FYCO1: variants seen among roughly 807,000 people sequenced by gnomAD.
FYCO1 encodes the protein FYVE and coiled-coil domain autophagy adaptor 1.
A neutral mutation model predicts 165.1 loss-of-function variants in FYCO1; 122 were observed. The ratio of observed to expected loss-of-function variants is 0.74; its 90% CI spans 0.64 to 0.86. The LOEUF (loss-of-function observed/expected upper bound fraction) is 0.86, where lower values mean the gene tolerates loss of function less well. Ranked by LOEUF, FYCO1 falls within the 40% of genes least tolerant of loss-of-function variation. The pLI is 0.00. For synonymous variants in FYCO1, 648 were observed against 742.5 expected, an observed-to-expected ratio of 0.87 and a Z score of 2.07; for missense variants, 1,702 against 1,810.3, an observed-to-expected ratio of 0.94 and a Z score of 1.09.
intron 6 of FYCO1, among the ~76,000 whole-genome samples, chr3:45,972,628 TG>T (rs1706504227): frequency 2.0e-5 from 3 of 152,192 alleles, no homozygotes; most frequent in Non-Finnish European, 4.4e-5. Context: ...GTGTAAGATA[TG>T]GCTGGCTTGA....
At chr3:45,979,387 C>T (rs1417884524) in intron 4 of FYCO1, among the ~76,000 whole-genome samples, 1 of 152,146 alleles carries the variant, frequency 6.6e-6, no homozygotes, top group Non-Finnish European at 1.5e-5. Flanking sequence ...TGGAGTCATC[C>T]TATGCTTTAC....
chr3:45,987,192 A>G (rs1322032028), intron 1 of FYCO1, among the ~76,000 whole-genome samples: 1 of 152,216 alleles, frequency 6.6e-6, no homozygotes, highest in East Asian at 1.9e-4. Context: ...AATCATTAGG[A>G]GAGAAATCAC....
Position 45,995,764 on chromosome 3 carries a change from G to A in FYCO1, c.-155C>T, listed in dbSNP as rs1374799487. On this transcript the variant is annotated 5_prime_UTR_variant, in exon 1 of 18. Transcript: ENST00000296137. ...GCCGGGCAGAACCGAAACTTTCTGG[G>A]GCCAAGCGGAAGAGGACGGGAACGC... is the stretch of plus-strand genomic sequence containing the variant. 3.9e-5 allele frequency: 6 copies of A among 152,734 alleles called. No homozygotes were observed. The highest frequency in any genetic ancestry group is 4.4e-5 in the Non-Finnish European group (3 of 68,122). 9.5% of individuals were successfully genotyped at this position (152,734 alleles called of 1,614,324 possible). A position where few individuals can be genotyped will look rare whatever the true frequency, so the allele number is the denominator to read the frequency against.
chr3:45,988,526 G>C (rs1225150328), intron 1 of FYCO1, among the ~76,000 whole-genome samples: 4 of 152,150 alleles, frequency 2.6e-5, no homozygotes. Flanking sequence ...ACCAGCGTAA[G>C]GACTCCAGGA....
chr3:45,926,010 GA>G (rs1323249374), intron 16 of FYCO1, among the ~76,000 whole-genome samples: 1 of 152,174 alleles, frequency 6.6e-6, no homozygotes, highest in African/African-American at 2.4e-5. Context: ...CAGTTTTCAA[GA>G]CACTGGTTAT....
At chr3:45,961,193 G>A (rs551635394) in intron 11 of FYCO1, among the ~76,000 whole-genome samples, 3 of 152,268 alleles carry the variant, frequency 2.0e-5, no homozygotes, top group East Asian at 3.9e-4. Context: ...TAAGGCAATC[G>A]GAAAAATTTG....
At chr3:45,979,620 G>A in intron 4 of FYCO1, 85 bp downstream of exon 4, 2 of 1,514,198 alleles carry the variant, frequency 1.3e-6, no homozygotes, top group South Asian at 2.3e-5. Context: ...TCCTTATTTA[G>A]CTGTCTGCAG....
intron 16 of FYCO1, among the ~76,000 whole-genome samples, chr3:45,925,385 T>C (rs1052234262): frequency 6.6e-6 from 1 of 152,174 alleles, no homozygotes; most frequent in Non-Finnish European, 1.5e-5. Flanking sequence ...CAACTTTGAG[T>C]TCCTAATGAG....
chr3:45,968,528 T>A lies in FYCO1; in HGVS notation c.806A>T (p.Gln269Leu). ...ENQELRAAVS[Q>L]QGEQLQTERE... is the part of the protein sequence containing the mutation. ...CTCTGTCTGCAGTTGCTCCCCTTGC[T>A]GGCTGACAGCTGCCCTCAGCTCCTG... Residue 269 changes from glutamine (Q) to leucine (L), a missense_variant, in exon 8 of 18, where the codon CAG becomes CTG. Transcript: ENST00000296137. 6.2e-7 allele frequency: 1 copy of A among 1,614,092 alleles called. No homozygotes were observed. Among genetic ancestry groups the A allele is most frequent in the Non-Finnish European group, 8.5e-7 (1 of 1,180,046 alleles).
chr3:45,940,357 A>G (rs2125811515), intron 14 of FYCO1, among the ~76,000 whole-genome samples: 1 of 152,312 alleles, frequency 6.6e-6, no homozygotes, highest in Admixed American at 6.5e-5. Context: ...AGATCTCAGG[A>G]GTTGGGCGAG....
intron 8 of FYCO1, 107 bp downstream of exon 8, chr3:45,966,170 A>C (rs1705998353): frequency 1.7e-6 from 2 of 1,191,794 alleles, no homozygotes; most frequent in East Asian, 4.6e-5. Context: ...CCCACAGTAC[A>C]TTCTCCAGCC....
chr3:45,968,375 T>G lies in FYCO1; in HGVS notation c.959A>C (p.Gln320Pro), dbSNP rs1706224356. 1 of 1,613,662 alleles carries G rather than the reference T, an allele frequency of 6.2e-7. No homozygotes were observed. The highest frequency in any genetic ancestry group is 1.1e-5 in the South Asian group (1 of 91,066). ...NTVKELQTCL[Q>P]GLELGAAEKE... Reference sequence around the variant, plus strand: ...CTCTGCTGCTCCTAGCTCCAGGCCCTGCAGGCATGTCTGCAGCTCCTTCAC... The same window carrying G: ...CTCTGCTGCTCCTAGCTCCAGGCCCGGCAGGCATGTCTGCAGCTCCTTCAC... The change falls in exon 8 of 18, where the codon CAG (glutamine) becomes CCG (proline). Residue 320 changes from glutamine (Q) to proline (P), a missense_variant. Physicochemically the swap from Gln to Pro is moderately conservative, Grantham distance 76 (BLOSUM62 -1). Transcript: ENST00000296137.
Position 45,967,056 on chromosome 3 carries a change from T to A in FYCO1, c.2278A>T (p.Thr760Ser). The A allele has an allele frequency of 6.2e-7, 1 of 1,613,592 alleles. No homozygotes were observed. Among genetic ancestry groups the A allele is most frequent in the Non-Finnish European group, 8.5e-7 (1 of 1,179,994 alleles). The part of the protein sequence containing the change: ...EKGQQGVGPP[T>S]DNEARELAAQ... ...GCCAGCTCACGGGCTTCATTGTCAGTGGGTGGGCCAACTCCCTGTTGGCCT... is the reference window on the plus strand; with the variant it reads ...GCCAGCTCACGGGCTTCATTGTCAGAGGGTGGGCCAACTCCCTGTTGGCCT... Residue 760 changes from threonine to serine, a missense_variant, in exon 8 of 18, where the codon ACT becomes TCT. Thr to Ser is a moderately conservative substitution (Grantham distance 58, BLOSUM62 1). Coordinates refer to ENST00000296137, the MANE Select transcript of FYCO1 (RefSeq NM_024513.4).
At chr3:45,972,729 T>A (rs751012875) in intron 6 of FYCO1, among the ~76,000 whole-genome samples, 1 of 152,130 alleles carries the variant, frequency 6.6e-6, no homozygotes, top group Non-Finnish European at 1.5e-5. Flanking sequence ...TCACTTCCTC[T>A]CCTACTGCTT....
At chr3:45,951,581 A>G (rs1172800487) in intron 14 of FYCO1, among the ~76,000 whole-genome samples, 1 of 152,162 alleles carries the variant, frequency 6.6e-6, no homozygotes, top group East Asian at 1.9e-4. Context: ...CAAGAGCTTG[A>G]TTTCCTTCTC....
intron 5 of FYCO1, among the ~76,000 whole-genome samples, chr3:45,974,501 T>G (rs908880358): frequency 6.6e-6 from 1 of 152,276 alleles, no homozygotes; most frequent in Non-Finnish European, 1.5e-5. Flanking sequence ...TACATCTCTA[T>G]GCAAATCAAT....
chr3:45,952,371 G>C (rs887373785), intron 14 of FYCO1, among the ~76,000 whole-genome samples: 1 of 152,032 alleles, frequency 6.6e-6, no homozygotes, highest in Non-Finnish European at 1.5e-5. Context: ...TCAGACTCTC[G>C]GTGTTTTTGG....
chr3:45,972,619 TG>T (rs1706503283), intron 6 of FYCO1, among the ~76,000 whole-genome samples: 1 of 152,114 alleles, frequency 6.6e-6, no homozygotes, highest in African/African-American at 2.4e-5. Flanking sequence ...GCCACACTGG[TG>T]TAAGATATGG....
At chr3:45,989,337 G>A (rs1459664337) in intron 1 of FYCO1, among the ~76,000 whole-genome samples, 1 of 152,158 alleles carries the variant, frequency 6.6e-6, no homozygotes, top group African/African-American at 2.4e-5. Flanking sequence ...ACACCCAACG[G>A]CAACTATCTA....
Sources: gnomAD v4.1 joint callset for allele counts (sites outside exome capture counted in the v4.1 genomes callset) on GRCh38, gnomAD v4.1.1 for gene constraint, MANE v1.5 for transcripts, NCBI Gene and HGNC (gene_info 2026-07-23, HGNC 2026-07-21) for gene names.